The following INPP4B variants were observed in gnomAD, a reference collection of about 807,000 sequenced individuals.
INPP4B encodes inositol polyphosphate 4-phosphatase type II.
A neutral mutation model predicts 122.5 loss-of-function variants in INPP4B; 55 were observed. The observed-to-expected ratio is 0.45, with a 90% confidence interval of 0.36 to 0.56. INPP4B has a LOEUF of 0.56. INPP4B is among the 20% of genes least tolerant of loss of function. The pLI is 0.00. For synonymous variants in INPP4B, 403 were observed against 388.7 expected, an observed-to-expected ratio of 1.04 and a Z score of -0.43; for missense variants, 1,000 against 1,097.7, an observed-to-expected ratio of 0.91 and a Z score of 1.26.
chr4:142,322,340 T>C (rs1036410089), intron 7 of INPP4B, among the ~76,000 whole-genome samples: 2 of 152,154 alleles, frequency 1.3e-5, no homozygotes, highest in Admixed American at 6.5e-5. Context: ...GGGAAGTACA[T>C]TGAACATTTC....
chr4:142,549,337 C>T lies in INPP4B; in HGVS notation c.-190-86611G>A, dbSNP rs147273085. 1.9e-3 allele frequency among the ~76,000 whole-genome samples: 294 copies of T among 152,158 alleles called. 3 individuals are homozygous for T. The highest frequency in any genetic ancestry group is 6.7e-3 in the African/African-American group (279 of 41,506). ...GGTAGTTCTGGAATGTGGGAGGGCA[C>T]GGGAGCCCATGACCATCAGACGGTA... On this transcript the variant is annotated intron_variant, in intron 2 of 25. Coordinates refer to ENST00000262992, the MANE Select transcript of INPP4B (RefSeq NM_001101669.3).
At chr4:142,828,225 G>A (rs1367612809) in intron 1 of INPP4B, among the ~76,000 whole-genome samples, 2 of 152,074 alleles carry the variant, frequency 1.3e-5, no homozygotes, top group East Asian at 3.9e-4. Flanking sequence ...ACTAGGCCTT[G>A]GGGAGTTTAA....
At chr4:142,721,424 C>T (rs1430462804) in intron 2 of INPP4B, among the ~76,000 whole-genome samples, 1 of 152,098 alleles carries the variant, frequency 6.6e-6, no homozygotes. Context: ...TGGCACAAAG[C>T]CAGTAAGTGA....
At chr4:142,154,111 G>A (rs1040589260) in intron 17 of INPP4B, among the ~76,000 whole-genome samples, 1 of 151,992 alleles carries the variant, frequency 6.6e-6, no homozygotes, top group Non-Finnish European at 1.5e-5. Context: ...CCCTGCCTTT[G>A]ACTGCCCTTT....
Position 142,487,386 on chromosome 4 carries a change from A to G in INPP4B, c.-190-24660T>C, listed in dbSNP as rs575222241. ...TTATAGTAAAATTTGAAAGTAGAGAATACAAATTCCCTAACTTTGTTCTTC... is the reference window on the plus strand; with the variant it reads ...TTATAGTAAAATTTGAAAGTAGAGAGTACAAATTCCCTAACTTTGTTCTTC... On this transcript the variant is annotated intron_variant, in intron 2 of 25. Transcript: ENST00000262992. Among the ~76,000 whole-genome samples the G allele has an allele frequency of 4.6e-5, 7 of 152,298 alleles. No homozygotes were observed. In the East Asian group the frequency reaches 7.7e-4, roughly 17 times the overall value.
At chr4:142,832,833 C>T (rs910387760) in intron 1 of INPP4B, among the ~76,000 whole-genome samples, 7 of 151,124 alleles carry the variant, frequency 4.6e-5, no homozygotes, top group Non-Finnish European at 8.8e-5. Flanking sequence ...TTTTAAATTT[C>T]ACAAAAGAAT....
chr4:142,254,433 G>A (rs575016247), intron 11 of INPP4B, among the ~76,000 whole-genome samples: 118 of 150,424 alleles, frequency 7.8e-4, no homozygotes, highest in South Asian at 2.1e-3. Flanking sequence ...TCAAACCAAA[G>A]GCAAAGAAGT....
chr4:142,210,829 A>G (rs1343846768), intron 12 of INPP4B, among the ~76,000 whole-genome samples: 1 of 152,192 alleles, frequency 6.6e-6, no homozygotes, highest in African/African-American at 2.4e-5. Context: ...ATGACGAGGA[A>G]GGTAGAAGAG....
intron 7 of INPP4B, among the ~76,000 whole-genome samples, chr4:142,386,024 T>C (rs901509224): frequency 6.6e-6 from 1 of 152,116 alleles, no homozygotes; most frequent in Non-Finnish European, 1.5e-5. Flanking sequence ...TTGATCAGCA[T>C]CTCCCCTTCT....
intron 18 of INPP4B, among the ~76,000 whole-genome samples, chr4:142,140,474 A>G (rs12507662): frequency 0.086 from 13,079 of 152,166 alleles, 703 homozygotes; most frequent in Middle Eastern, 0.17. Flanking sequence ...TGTTCCTTTT[A>G]GTGATGTGCC....
intron 2 of INPP4B, among the ~76,000 whole-genome samples, chr4:142,677,227 C>T (rs1482195900): frequency 1.3e-5 from 2 of 151,976 alleles, no homozygotes; most frequent in Non-Finnish European, 2.9e-5. Context: ...ATGCAGCTAA[C>T]AAACATATGT....
intron 7 of INPP4B, among the ~76,000 whole-genome samples, chr4:142,371,986 G>A (rs1209342198): frequency 1.3e-5 from 2 of 151,906 alleles, no homozygotes; most frequent in African/African-American, 4.8e-5. Flanking sequence ...CTGCATCCAC[G>A]TGTTTATCAC....
At chr4:142,260,702 C>A (rs1162236160) in intron 10 of INPP4B, 138 bp from the exon 11 acceptor site, 1 of 612,958 alleles carries the variant, frequency 1.6e-6, no homozygotes, top group Admixed American at 3.3e-5. Flanking sequence ...AAAACTATTT[C>A]TAGCTCTATC....
chr4:142,656,104 A>AC (rs1486270759), intron 2 of INPP4B, among the ~76,000 whole-genome samples: 2 of 152,146 alleles, frequency 1.3e-5, no homozygotes, highest in African/African-American at 4.8e-5. Context: ...AGAACTTCAC[A>AC]CCATTTGCAG....
At chr4:142,113,393 G>T (rs138108280) in intron 21 of INPP4B, among the ~76,000 whole-genome samples, 384 of 152,080 alleles carry the variant, frequency 2.5e-3, no homozygotes, top group African/African-American at 8.6e-3. Context: ...AGAAAGCTTT[G>T]CCCAGAGGTT....
intron 2 of INPP4B, among the ~76,000 whole-genome samples, chr4:142,574,645 T>C (rs1733477846): frequency 6.6e-6 from 1 of 152,106 alleles, no homozygotes; most frequent in African/African-American, 2.4e-5. Context: ...CTTTTCAAAA[T>C]TGTCAGAATT....
At chr4:142,531,449 A>G (rs1827603014) in intron 2 of INPP4B, among the ~76,000 whole-genome samples, 1 of 152,184 alleles carries the variant, frequency 6.6e-6, no homozygotes, top group Non-Finnish European at 1.5e-5. Flanking sequence ...AATCATATGT[A>G]ATCAAAACAT....
chr4:142,597,107 A>C (rs1738876786), intron 2 of INPP4B, among the ~76,000 whole-genome samples: 2 of 152,226 alleles, frequency 1.3e-5, no homozygotes. Context: ...CATTGGAGAA[A>C]ATAAATTCCT....
At chr4:142,820,713 C>T (rs974606696) in intron 1 of INPP4B, among the ~76,000 whole-genome samples, 41 of 152,150 alleles carry the variant, frequency 2.7e-4, no homozygotes, top group African/African-American at 9.6e-4. Context: ...CATTGCCCAT[C>T]CAAGCTGTGA....
Sources: gnomAD v4.1 joint callset for allele counts (sites outside exome capture counted in the v4.1 genomes callset) on GRCh38, gnomAD v4.1.1 for gene constraint, MANE v1.5 for transcripts, NCBI Gene and HGNC (gene_info 2026-07-23, HGNC 2026-07-21) for gene names.